The following ADARB2 variants were observed in gnomAD, a reference collection of about 807,000 sequenced individuals.
The protein encoded by ADARB2 is adenosine deaminase RNA specific B2 (inactive).
A neutral mutation model predicts 62.2 loss-of-function variants in ADARB2; 25 were observed. The ratio of observed to expected loss-of-function variants is 0.40; its 90% CI spans 0.29 to 0.56. ADARB2 has a LOEUF of 0.56. Among genes scored for constraint, ADARB2 ranks in the 20% least tolerant of loss-of-function variants. ADARB2 has a pLI of 0.43. For synonymous variants in ADARB2, 572 were observed against 500.8 expected (o/e 1.14, Z -1.90); for missense variants, 1,071 against 1,077.4 (o/e 0.99, Z 0.08).
intron 3 of ADARB2, among the ~76,000 whole-genome samples, chr10:1,296,384 T>C (rs1831523265): frequency 6.6e-6 from 1 of 152,198 alleles, no homozygotes; most frequent in African/African-American, 2.4e-5. Context: ...TCTCTCACAG[T>C]AGAGATGCTG....
chr10:1,359,389 T>C (rs7906343), intron 3 of ADARB2, among the ~76,000 whole-genome samples: 32,402 of 152,154 alleles, frequency 0.21, 3,994 homozygotes, highest in Middle Eastern at 0.44. Flanking sequence ...ATGAAGCTGA[T>C]GGGTTAGATG....
intron 1 of ADARB2, among the ~76,000 whole-genome samples, chr10:1,732,931 A>C (rs1835252211): frequency 6.6e-6 from 1 of 152,204 alleles, no homozygotes; most frequent in Non-Finnish European, 1.5e-5. Context: ...CGTTCTCCAC[A>C]CCTTCCCATG....
intron 8 of ADARB2, among the ~76,000 whole-genome samples, chr10:1,198,654 A>G (rs1168586583): frequency 6.6e-6 from 1 of 152,260 alleles, no homozygotes; most frequent in Non-Finnish European, 1.5e-5. Context: ...GGAAGCAGAC[A>G]GGTGTCTCTC....
intron 1 of ADARB2, among the ~76,000 whole-genome samples, chr10:1,572,519 G>T (rs770667106): frequency 6.6e-6 from 1 of 152,164 alleles, no homozygotes; most frequent in Non-Finnish European, 1.5e-5. Flanking sequence ...TAGCATGTTG[G>T]TTTGTATAGA....
chr10:1,694,396 G>A (rs1834711584), intron 1 of ADARB2, among the ~76,000 whole-genome samples: 1 of 152,244 alleles, frequency 6.6e-6, no homozygotes, highest in Non-Finnish European at 1.5e-5. Context: ...TCACTGGTGT[G>A]TATACAATGT....
intron 3 of ADARB2, among the ~76,000 whole-genome samples, chr10:1,323,250 TAAAAAA>T (rs201803705): frequency 2.4e-3 from 318 of 130,482 alleles, no homozygotes; most frequent in African/African-American, 7.4e-3. Flanking sequence ...TTTGAAATTG[TAAAAAA>T]AAAAAAAAAA....
chr10:1,432,896 C>T (rs1830791564), intron 1 of ADARB2, among the ~76,000 whole-genome samples: 2 of 152,050 alleles, frequency 1.3e-5, no homozygotes, highest in African/African-American at 4.8e-5. Flanking sequence ...GAATCTCGCA[C>T]AGCCATAGCC....
At chr10:1,486,192 GTGTATGTGTGTGGACGCC>G (rs1400704905) in intron 1 of ADARB2, among the ~76,000 whole-genome samples, 1 of 149,406 alleles carries the variant, frequency 6.7e-6, no homozygotes, top group Non-Finnish European at 1.5e-5. Flanking sequence ...GTGTGTGCAT[GTGTATGTGTGTGGACGCC>G]TGTGTGTGTG....
At chr10:1,658,576 C>T (rs1164574654) in intron 1 of ADARB2, among the ~76,000 whole-genome samples, 1 of 152,222 alleles carries the variant, frequency 6.6e-6, no homozygotes, top group East Asian at 1.9e-4. Flanking sequence ...CTCTCTCTCA[C>T]TCCATTGGCA....
chr10:1,602,629 TCC>T (rs1246096180), intron 1 of ADARB2, among the ~76,000 whole-genome samples: 4 of 151,516 alleles, frequency 2.6e-5, no homozygotes, highest in Non-Finnish European at 4.4e-5. Context: ...CACACACACA[TCC>T]ACATACATAT....
chr10:1,673,001 C>T (rs1269561429), intron 1 of ADARB2, among the ~76,000 whole-genome samples: 1 of 152,164 alleles, frequency 6.6e-6, no homozygotes, highest in Non-Finnish European at 1.5e-5. Context: ...ACACCAACAG[C>T]CCGGAGGGGA....
At chr10:1,316,101 A>T (rs1831736727) in intron 3 of ADARB2, among the ~76,000 whole-genome samples, 1 of 152,238 alleles carries the variant, frequency 6.6e-6, no homozygotes, top group Admixed American at 6.5e-5. Context: ...TAAAAGTTTA[A>T]TTTTTTTAAA....
chr10:1,269,459 G>C (rs189744718), intron 4 of ADARB2, among the ~76,000 whole-genome samples: 1 of 152,172 alleles, frequency 6.6e-6, no homozygotes, highest in African/African-American at 2.4e-5. Context: ...CACTTACATG[G>C]TACTTGCCAT....
At chr10:1,691,873 T>C (rs1192138859) in intron 1 of ADARB2, among the ~76,000 whole-genome samples, 2 of 151,698 alleles carry the variant, frequency 1.3e-5, no homozygotes, top group Non-Finnish European at 2.9e-5. Flanking sequence ...TCACCTGTGC[T>C]CTCTCAGCCT....
intron 4 of ADARB2, among the ~76,000 whole-genome samples, chr10:1,262,287 T>A (rs370833805): frequency 2.2e-5 from 3 of 135,780 alleles, no homozygotes; most frequent in Admixed American, 7.3e-5. Context: ...AAACTTAAAG[T>A]ATAATAATAA....
In ADARB2 at chr10:1,179,750, G is replaced by C. The variant is rs1200404419; in HGVS notation, c.*3443C>G. Reference sequence around the variant, plus strand: ...TAGACTACAGAAAATCTGAAGCAAGGGTATGAATACAGACCACAGAAAATC... The same window carrying C: ...TAGACTACAGAAAATCTGAAGCAAGCGTATGAATACAGACCACAGAAAATC... On this transcript the variant is annotated 3_prime_UTR_variant, in exon 10 of 10. Transcript: ENST00000381312. 1.3e-5 allele frequency: 2 copies of C among 152,226 alleles called. No individual in the cohort carries two copies. The highest frequency in any genetic ancestry group is 4.8e-5 in the African/African-American group (2 of 41,442). 9.4% of individuals were successfully genotyped at this position (152,226 alleles called of 1,614,324 possible). A position where few individuals can be genotyped will look rare whatever the true frequency, so the allele number is the denominator to read the frequency against.
intron 1 of ADARB2, among the ~76,000 whole-genome samples, chr10:1,410,257 A>G (rs1328171984): frequency 3.1e-5 from 4 of 130,648 alleles, no homozygotes; most frequent in African/African-American, 8.4e-5. Flanking sequence ...AGTGGTGCCG[A>G]GGCCTGGCCG....
chr10:1,351,463 GT>G (rs1394333467), intron 3 of ADARB2, among the ~76,000 whole-genome samples: 5 of 151,000 alleles, frequency 3.3e-5, no homozygotes, highest in Non-Finnish European at 7.4e-5. Flanking sequence ...ACTCTTTTAA[GT>G]ACTCCTTTTA....
chr10:1,382,191 G>A (rs954938865), intron 1 of ADARB2, among the ~76,000 whole-genome samples: 1 of 152,120 alleles, frequency 6.6e-6, no homozygotes, highest in Non-Finnish European at 1.5e-5. Context: ...AAATGTAACT[G>A]GGCATCCTGT....
Sources: gnomAD v4.1 joint callset for allele counts (sites outside exome capture counted in the v4.1 genomes callset) on GRCh38, gnomAD v4.1.1 for gene constraint, MANE v1.5 for transcripts, NCBI Gene and HGNC (gene_info 2026-07-23, HGNC 2026-07-21) for gene names.